Variants in USP50 observed in about 807,000 individuals in gnomAD.
The protein encoded by USP50 is ubiquitin specific peptidase 50.
USP50 carries 37 observed loss-of-function variants against 39.2 expected under a neutral mutation model. The observed-to-expected ratio is 0.94, with a 90% CI of 0.73 to 1.24. The LOEUF is 1.24. Ranked by LOEUF, USP50 falls within the 50% of genes most tolerant of loss-of-function variation. USP50 has a pLI of 0.00. For missense variants in USP50, 374 were observed against 398.2 expected (o/e 0.94, Z 0.52); for synonymous variants, 139 against 144.5 (o/e 0.96, Z 0.27).
intron 2 of USP50, 41 bp downstream of exon 2, chr15:50,544,546 G>T: frequency 2.6e-6 from 4 of 1,565,958 alleles, no homozygotes; most frequent in Non-Finnish European, 2.6e-6. Context: ...GTGGGGAAGT[G>T]GGGGTGGGGG....
At chr15:50,495,287 CATATAT>C (rs1175825603) in intron 1 of USP50, among the ~76,000 whole-genome samples, 1 of 2,132 alleles carries the variant, frequency 4.7e-4, no homozygotes, top group African/African-American at 1.7e-3. Flanking sequence ...TATACACATA[CATATAT>C]ACATATATAC....
intron 6 of USP50, among the ~76,000 whole-genome samples, chr15:50,526,577 A>G (rs928804128): frequency 6.6e-6 from 1 of 152,230 alleles, no homozygotes; most frequent in Non-Finnish European, 1.5e-5. Context: ...TTGCTAATGC[A>G]TATGTACAAG....
At chr15:50,498,986 T>C, downstream of USP50, 1 of 1,614,038 alleles carries the variant, frequency 6.2e-7, no homozygotes, top group Non-Finnish European at 8.5e-7. Context: ...AGTTTGATGA[T>C]CATGAAGTTT....
At chr15:50,499,840 T>C (rs1347043213), downstream of USP50, 1 of 152,156 alleles carries the variant, frequency 6.6e-6, no homozygotes, top group Non-Finnish European at 1.5e-5. Context: ...AGTAAAACCA[T>C]AGATTTTATA....
intron 5 of USP50, chr15:50,531,947 A>G (rs1596016843): frequency 2.9e-6 from 1 of 339,714 alleles, no homozygotes; most frequent in East Asian, 7.4e-5. Context: ...GTGAGGTCAC[A>G]GGACAAACCA....
downstream of USP50, chr15:50,496,842 A>C: frequency 3.0e-6 from 1 of 332,858 alleles, no homozygotes; most frequent in East Asian, 4.7e-5. Context: ...TCTCTGATTG[A>C]CCAGGTTAGG....
chr15:50,514,397 T>C (rs1566904549), intron 6 of USP50: 1 of 152,212 alleles, frequency 6.6e-6, no homozygotes, highest in East Asian at 1.9e-4. Flanking sequence ...TATGTTTCAC[T>C]TCAATAAAGT....
At chr15:50,533,011 A>C (rs925951434) in intron 5 of USP50, among the ~76,000 whole-genome samples, 1 of 152,132 alleles carries the variant, frequency 6.6e-6, no homozygotes. Flanking sequence ...AAGAAGAAAG[A>C]AAAAAGACTG....
At chr15:50,530,356 G>T (rs922847638) in intron 5 of USP50, among the ~76,000 whole-genome samples, 2 of 152,086 alleles carry the variant, frequency 1.3e-5, no homozygotes, top group Admixed American at 6.6e-5. Context: ...GCTGAGGCGG[G>T]TGGATCACTT....
At chr15:50,543,493 G>T in intron 3 of USP50, 105 bp downstream of exon 3, 2 of 1,149,586 alleles carry the variant, frequency 1.7e-6, no homozygotes, top group Non-Finnish European at 2.5e-6. Context: ...CACAGTGCTT[G>T]GCACAAAGTA....
At chr15:50,494,518 T>C (rs896254003) in intron 1 of USP50, among the ~76,000 whole-genome samples, 15 of 152,256 alleles carry the variant, frequency 9.9e-5, no homozygotes, top group African/African-American at 2.4e-4. Flanking sequence ...AAAATAGTTA[T>C]TGGCGTTTGT....
At chr15:50,538,139 C>A (rs147089948) in intron 5 of USP50, among the ~76,000 whole-genome samples, 1 of 148,914 alleles carries the variant, frequency 6.7e-6, no homozygotes, top group African/African-American at 2.5e-5. Flanking sequence ...TAGCTGGGTG[C>A]GGTGGCGTGC....
At chr15:50,524,836 T>G (rs1321240691) in intron 6 of USP50, among the ~76,000 whole-genome samples, 6 of 152,064 alleles carry the variant, frequency 3.9e-5, no homozygotes, top group Non-Finnish European at 8.8e-5. Context: ...ATTGTGCCAC[T>G]GTACTCCAGC....
chr15:50,545,619 A>G (rs1182881064), intron 1 of USP50, among the ~76,000 whole-genome samples: 1 of 151,622 alleles, frequency 6.6e-6, no homozygotes, highest in Non-Finnish European at 1.5e-5. Context: ...ATATATGCAC[A>G]TTAAGAGCAT....
chr15:50,529,880 A>G lies in USP50; in HGVS notation c.853T>C (p.Tyr285His). The stretch of plus-strand genomic sequence containing the variant: ...GTGAGGTCCAAGTTAGTGAGTGGGT[A>G]ATGAATATCCGTTCTCAGCTTCCTT... ...TKRKLRTDIH[Y>H]PLTNLDLTPY... Residue 285 changes from tyrosine to histidine, a missense_variant, in exon 6 of 7, where the codon TAC becomes CAC. Tyr to His is a moderately conservative substitution (Grantham distance 83). Coordinates refer to ENST00000532404, the MANE Select transcript of USP50 (RefSeq NM_203494.5). 1.2e-6 allele frequency: 2 copies of G among 1,614,024 alleles called. No individual in the cohort carries two copies. Among genetic ancestry groups the G allele is most frequent in the South Asian group, 1.1e-5 (1 of 91,088 alleles).
intron 6 of USP50, chr15:50,511,923 G>A (rs1214691328): frequency 1.3e-5 from 2 of 152,278 alleles, no homozygotes; most frequent in African/African-American, 2.4e-5. Flanking sequence ...ACTTGAGCCA[G>A]GGAGGTTGAG....
At chr15:50,516,689 T>A (rs1365970931) in intron 6 of USP50, among the ~76,000 whole-genome samples, 2 of 151,062 alleles carry the variant, frequency 1.3e-5, no homozygotes, top group East Asian at 3.9e-4. Context: ...AGACTGAAAG[T>A]GAAGAAATGG....
chr15:50,507,283 T>TAAAAC (rs1269695407), intron 6 of USP50: 3 of 152,318 alleles, frequency 2.0e-5, no homozygotes, highest in Non-Finnish European at 4.4e-5. Flanking sequence ...ACTCTGTCTC[T>TAAAAC]AAAACAAAAC....
intron 6 of USP50, among the ~76,000 whole-genome samples, chr15:50,516,347 A>T (rs568047873): frequency 2.4e-4 from 36 of 152,336 alleles, no homozygotes; most frequent in African/African-American, 8.7e-4. Flanking sequence ...CACACCTGTA[A>T]TCCCAGCATT....
Sources: gnomAD v4.1 joint callset for allele counts (sites outside exome capture counted in the v4.1 genomes callset) on GRCh38, gnomAD v4.1.1 for gene constraint, MANE v1.5 for transcripts, NCBI Gene and HGNC (gene_info 2026-07-23, HGNC 2026-07-21) for gene names.